The following SLC35F3 variants were observed in gnomAD, a reference collection of about 807,000 sequenced individuals.
The protein encoded by SLC35F3 is putative thiamine transporter SLC35F3.
SLC35F3 carries 25 observed loss-of-function variants against 49.9 expected under a neutral mutation model. The ratio of observed to expected loss-of-function variants is 0.50; its 90% CI spans 0.37 to 0.70. The LOEUF (loss-of-function observed/expected upper bound fraction) is 0.70, where lower values mean the gene tolerates loss of function less well. Ranked by LOEUF, SLC35F3 falls within the 30% of genes least tolerant of loss-of-function variation. SLC35F3 has a pLI of 0.00. For synonymous variants in SLC35F3, 275 were observed against 265.4 expected, an observed-to-expected ratio of 1.04 and a Z score of -0.35; for missense variants, 525 against 639.8, an observed-to-expected ratio of 0.82 and a Z score of 1.94.
At chr1:233,915,611 A>G (rs1661956272) in intron 2 of SLC35F3, among the ~76,000 whole-genome samples, 1 of 152,154 alleles carries the variant, frequency 6.6e-6, no homozygotes, top group Non-Finnish European at 1.5e-5. Flanking sequence ...TGGCAGGTGT[A>G]TTAGTCTGTT....
In SLC35F3 at chr1:234,027,998, T is replaced by C. The variant is rs1664002867; in HGVS notation, c.283+122240T>C. On this transcript the variant is annotated intron_variant, in intron 2 of 7. Transcript: ENST00000366618. This position sits in a 1 kb window ranked among gnomAD's most constrained non-coding sequence, Gnocchi z 4.1. ...TAAAGTATCAAATTTGGCCAGTAAG[T>C]AGAAGGAATTAAGTTAATAAATTCG... 2.0e-5 allele frequency among the ~76,000 whole-genome samples: 3 copies of C among 152,018 alleles called. No homozygotes were observed. Among genetic ancestry groups the C allele is most frequent in the African/African-American group, 7.3e-5 (3 of 41,378 alleles).
chr1:234,186,269 A>G (rs1200406287), intron 2 of SLC35F3, among the ~76,000 whole-genome samples: 1 of 151,938 alleles, frequency 6.6e-6, no homozygotes. Context: ...CGCTCTGCTG[A>G]GTCAGACTCA....
At chr1:234,068,909 T>A (rs28540626) in intron 2 of SLC35F3, among the ~76,000 whole-genome samples, 1 of 122,556 alleles carries the variant, frequency 8.2e-6, no homozygotes, top group Non-Finnish European at 1.6e-5. Flanking sequence ...TTATATATAT[T>A]TTTATATGTA....
At chr1:234,083,218 A>G (rs1470969088) in intron 2 of SLC35F3, among the ~76,000 whole-genome samples, 1 of 152,232 alleles carries the variant, frequency 6.6e-6, no homozygotes, top group Non-Finnish European at 1.5e-5. Context: ...AGTGATTAGC[A>G]GAATTGCTGC....
intron 2 of SLC35F3, among the ~76,000 whole-genome samples, chr1:233,975,538 A>G (rs993365730): frequency 6.6e-6 from 1 of 152,264 alleles, no homozygotes; most frequent in Non-Finnish European, 1.5e-5. Flanking sequence ...AAATGAGGAA[A>G]TAATGGCAGC....
At chr1:234,025,899 G>A (rs1361436043) in intron 2 of SLC35F3, among the ~76,000 whole-genome samples, 1 of 152,178 alleles carries the variant, frequency 6.6e-6, no homozygotes, top group African/African-American at 2.4e-5. Context: ...GTCCAGAATG[G>A]TAGTTCCTGG....
At chr1:234,236,925 T>TATATA (rs1491285612) in intron 3 of SLC35F3, among the ~76,000 whole-genome samples, 32 of 96,270 alleles carry the variant, frequency 3.3e-4, no homozygotes, top group African/African-American at 1.2e-3. Context: ...AAAAAAAAAA[T>TATATA]TATATATATA....
chr1:234,000,772 C>T (rs1469176751), intron 2 of SLC35F3, among the ~76,000 whole-genome samples: 2 of 152,132 alleles, frequency 1.3e-5, no homozygotes, highest in Non-Finnish European at 2.9e-5. Context: ...CACAGCTACC[C>T]CTTTGTCAGG....
intron 2 of SLC35F3, among the ~76,000 whole-genome samples, chr1:234,097,419 C>T (rs563626329): frequency 1.1e-3 from 164 of 152,314 alleles, no homozygotes; most frequent in African/African-American, 3.9e-3. Flanking sequence ...TTCATCCTAA[C>T]ATCCACTGAG....
At chr1:234,029,046 A>T (rs1205860046) in intron 2 of SLC35F3, among the ~76,000 whole-genome samples, 1 of 152,220 alleles carries the variant, frequency 6.6e-6, no homozygotes, top group South Asian at 2.1e-4. Context: ...GCTCCTGAAA[A>T]TTTACTTATA....
In SLC35F3 at chr1:234,007,737, T is replaced by C. The variant is rs566299713; in HGVS notation, c.283+101979T>C. 2.0e-5 allele frequency among the ~76,000 whole-genome samples: 3 copies of C among 152,348 alleles called. No homozygotes were observed. In the East Asian group the frequency reaches 5.8e-4, roughly 29 times the overall value. On this transcript the variant is annotated intron_variant, in intron 2 of 7. Coordinates refer to ENST00000366618, the MANE Select transcript of SLC35F3 (RefSeq NM_173508.4). ...AAATTTTTGGTTAATGGGCAGTCATTGCAATGATCTCAATATACTTTTACT... is the reference window on the plus strand; with the variant it reads ...AAATTTTTGGTTAATGGGCAGTCATCGCAATGATCTCAATATACTTTTACT...
chr1:234,236,914 TAA>T lies in SLC35F3; in HGVS notation c.608+5182_608+5183del, dbSNP rs10618028. 1.0e-4 allele frequency among the ~76,000 whole-genome samples: 11 copies of T among 107,924 alleles called. No homozygotes were observed. In the East Asian group the frequency reaches 1.1e-3, roughly 10 times the overall value. The allele number at this position is 107,924 out of a possible 152,430, so 70.8% of individuals were successfully genotyped here. A position where few individuals can be genotyped will look rare whatever the true frequency, so the allele number is the denominator to read the frequency against. Reference sequence around the variant, plus strand: ...AACTGAGTGGGAGACAGTCTCCTATTAAAAAAAAAATTATATATATATATATA... The same window carrying T: ...AACTGAGTGGGAGACAGTCTCCTATTAAAAAAAATTATATATATATATATA... On this transcript the variant is annotated intron_variant, in intron 3 of 7. Coordinates refer to ENST00000366618, the MANE Select transcript of SLC35F3 (RefSeq NM_173508.4).
chr1:234,055,735 C>T (rs1664447786), intron 2 of SLC35F3, among the ~76,000 whole-genome samples: 1 of 152,202 alleles, frequency 6.6e-6, no homozygotes, highest in Non-Finnish European at 1.5e-5. Context: ...CTGCGTCGCT[C>T]ACACTGGGAG....
At chr1:233,983,230 A>G (rs530842657) in intron 2 of SLC35F3, among the ~76,000 whole-genome samples, 2 of 152,302 alleles carry the variant, frequency 1.3e-5, no homozygotes, top group Admixed American at 6.5e-5. Context: ...ATTTTTTGCC[A>G]TCATGAAACT....
At chr1:234,012,541 G>A (rs571608412) in intron 2 of SLC35F3, among the ~76,000 whole-genome samples, 4 of 152,328 alleles carry the variant, frequency 2.6e-5, no homozygotes, top group East Asian at 3.9e-4. Flanking sequence ...CTGGTTTATC[G>A]AGACTAGAGA....
chr1:234,170,693 G>A (rs1666388558), intron 2 of SLC35F3, among the ~76,000 whole-genome samples: 1 of 152,210 alleles, frequency 6.6e-6, no homozygotes, highest in South Asian at 2.1e-4. Context: ...TGAGGCCAGA[G>A]CTGAAAACAA....
rs138966713 is a variant in SLC35F3 at position 234,030,496 on chromosome 1, A to G, written c.283+124738A>G. 2.8e-3 allele frequency among the ~76,000 whole-genome samples: 426 copies of G among 152,064 alleles called. 1 individual carries two copies. Among genetic ancestry groups the G allele is most frequent in the African/African-American group, 8.7e-3 (362 of 41,480 alleles). The stretch of plus-strand genomic sequence containing the variant: ...TCTGGGTCAACTTTGAATATGCAAA[A>G]CTCTTTTCATTGATTAGGGCCAGTT... On this transcript the variant is annotated intron_variant, in intron 2 of 7. Coordinates refer to ENST00000366618, the MANE Select transcript of SLC35F3 (RefSeq NM_173508.4).
rs1452466577 is a variant in SLC35F3 at position 234,139,878 on chromosome 1, G to C, written c.284-91539G>C. Among the ~76,000 whole-genome samples, 13 of 150,998 alleles carry C rather than the reference G, an allele frequency of 8.6e-5. No homozygotes were observed. The South Asian group carries it at 2.7e-3, about 32-fold the overall frequency. On this transcript the variant is annotated intron_variant, in intron 2 of 7. Coordinates refer to ENST00000366618, the MANE Select transcript of SLC35F3 (RefSeq NM_173508.4). ...CAGGAGAATCGCTTGAACCCGGGAG[G>C]CAGAGGTTGCAGTGAGCCGAGATGG...
intron 2 of SLC35F3, among the ~76,000 whole-genome samples, chr1:234,130,473 T>TA (rs71170467): frequency 0.56 from 77,157 of 138,790 alleles, 22,863 homozygotes; most frequent in East Asian, 0.97. Context: ...ACCCCGTCTC[T>TA]AAAAAAAAAA....
Sources: allele counts gnomAD v4.1 joint callset (sites outside exome capture counted in the v4.1 genomes callset), GRCh38; gene constraint gnomAD v4.1.1; non-coding constraint Gnocchi (gnomAD v3.1); transcripts MANE v1.5; gene names NCBI Gene and HGNC (gene_info 2026-07-23, HGNC 2026-07-21).